IFNAR2: variants seen among roughly 807,000 people sequenced by gnomAD.
The protein encoded by IFNAR2 is interferon alpha/beta receptor 2.
Under a neutral mutation model 49.4 loss-of-function variants are expected in IFNAR2, and 30 were observed. The ratio of observed to expected loss-of-function variants is 0.61; its 90% CI spans 0.45 to 0.82. The LOEUF (loss-of-function observed/expected upper bound fraction) is 0.82, where lower values mean the gene tolerates loss of function less well. IFNAR2 is among the 40% of genes least tolerant of loss of function. The probability of loss-of-function intolerance (pLI) is 0.00; values close to 1 mark genes in which losing one functional copy is unlikely to be tolerated. For synonymous variants in IFNAR2, 224 were observed against 234.5 expected, an observed-to-expected ratio of 0.96 and a Z score of 0.41; for missense variants, 600 against 622.7, an observed-to-expected ratio of 0.96 and a Z score of 0.39.
intron 1 of IFNAR2, among the ~76,000 whole-genome samples, chr21:33,233,961 A>G (rs1986249727): frequency 6.6e-6 from 1 of 152,120 alleles, no homozygotes; most frequent in African/African-American, 2.4e-5. Context: ...GAATACCAAT[A>G]TTCTCTTCTT....
chr21:33,258,803 T>C (rs997114166), intron 7 of IFNAR2, among the ~76,000 whole-genome samples: 1 of 152,122 alleles, frequency 6.6e-6, no homozygotes, highest in African/African-American at 2.4e-5. Context: ...GACATAGAAC[T>C]TAGAAGCCGT....
Position 33,240,769 on chromosome 21 carries a change from T to G in IFNAR2, c.-83-1071T>G, listed in dbSNP as rs113667854. 7.8e-3 allele frequency among the ~76,000 whole-genome samples: 461 copies of G among 58,894 alleles called. 4 individuals are homozygous for G. The highest frequency in any genetic ancestry group is 0.026 in the African/African-American group (430 of 16,280). 38.6% of individuals were successfully genotyped at this position (58,894 alleles called of 152,430 possible). A position where few individuals can be genotyped will look rare whatever the true frequency, so the allele number is the denominator to read the frequency against. The stretch of plus-strand genomic sequence containing the variant: ...GGTTGAGGCTGCAGTGAGCCATGAT[T>G]GCACCACTGGCACTCCAGGCTAGGC... On this transcript the variant is annotated intron_variant, in intron 1 of 8. Transcript: ENST00000342136.
rs527919003 is a variant in IFNAR2 at position 33,246,171 on chromosome 21, C to T, written c.222-547C>T. 9.9e-5 allele frequency among the ~76,000 whole-genome samples: 15 copies of T among 151,926 alleles called. No individual in the cohort carries two copies. The East Asian group carries it at 2.1e-3, about 22-fold the overall frequency. On this transcript the variant is annotated intron_variant, in intron 4 of 8. Coordinates refer to ENST00000342136, the MANE Select transcript of IFNAR2 (RefSeq NM_001289125.3). ...CTGCAAGCTCCACCTCCCGGGTTCA[C>T]GCCATTCTCCTGCCTCAGCCTCCCA...
intron 2 of IFNAR2, among the ~76,000 whole-genome samples, chr21:33,243,456 A>G (rs1987146095): frequency 2.0e-5 from 3 of 152,158 alleles, no homozygotes. Flanking sequence ...TCAGCTCCCA[A>G]ATGGATCTTA....
intron 4 of IFNAR2, among the ~76,000 whole-genome samples, 193 bp from the exon 5 acceptor site, chr21:33,246,523 AAG>A (rs1233138455): frequency 6.6e-6 from 1 of 152,204 alleles, no homozygotes; most frequent in Non-Finnish European, 1.5e-5. Flanking sequence ...CAATCAAGAA[AAG>A]AGAGGGATTG....
chr21:33,242,691 C>A (rs1987033530), intron 2 of IFNAR2, among the ~76,000 whole-genome samples: 1 of 138,520 alleles, frequency 7.2e-6, no homozygotes, highest in African/African-American at 2.8e-5. Flanking sequence ...CGAGATCGAG[C>A]CGCTGCACTC....
intron 7 of IFNAR2, among the ~76,000 whole-genome samples, chr21:33,258,870 G>A (rs1027916934): frequency 6.6e-5 from 10 of 152,142 alleles, no homozygotes; most frequent in African/African-American, 9.7e-5. Flanking sequence ...GTGATCTGAC[G>A]TGGGATGTAA....
chr21:33,242,053 G>A, intron 2 of IFNAR2, 76 bp downstream of exon 2: 3 of 1,416,934 alleles, frequency 2.1e-6, no homozygotes, highest in East Asian at 2.4e-5. Flanking sequence ...CTGGCAGGAA[G>A]TCGCAAACTC....
intron 7 of IFNAR2, among the ~76,000 whole-genome samples, chr21:33,257,051 T>C (rs1988253234): frequency 6.6e-6 from 1 of 152,026 alleles, no homozygotes; most frequent in Non-Finnish European, 1.5e-5. Context: ...AACAGGTAGG[T>C]ACAGGGAGAG....
Position 33,263,411 on chromosome 21 carries a change from G to A in IFNAR2, c.1459G>A (p.Glu487Lys). The change falls in exon 9 of 9, where the codon GAG (glutamate) becomes AAG (lysine). Residue 487 changes from glutamate (E) to lysine (K), a missense_variant. Coordinates refer to ENST00000342136, the MANE Select transcript of IFNAR2 (RefSeq NM_001289125.3). ...GCCAACCTTTCCCAGCCCCTCTTCAGAGGGCCTGTGGTCCGAAGATGCTCC... is the reference window on the plus strand; with the variant it reads ...GCCAACCTTTCCCAGCCCCTCTTCAAAGGGCCTGTGGTCCGAAGATGCTCC... The part of the protein sequence containing the change: ...TQPTFPSPSS[E>K]GLWSEDAPSD... The A allele has an allele frequency of 1.2e-6, 2 of 1,614,142 alleles. No individual in the cohort carries two copies. The highest frequency in any genetic ancestry group is 1.7e-6 in the Non-Finnish European group (2 of 1,180,032).
chr21:33,255,232 C>G (rs1297628851), intron 7 of IFNAR2, among the ~76,000 whole-genome samples: 1 of 152,232 alleles, frequency 6.6e-6, no homozygotes, highest in East Asian at 1.9e-4. Context: ...CTAACACCAG[C>G]TATCTGACAC....
intron 6 of IFNAR2, chr21:33,252,380 T>C: frequency 1.8e-6 from 2 of 1,087,344 alleles, no homozygotes; most frequent in Non-Finnish European, 2.4e-6. Flanking sequence ...TCACAGAGAC[T>C]TTTATTCCTC....
At chr21:33,234,502 G>A (rs1366802700) in intron 1 of IFNAR2, among the ~76,000 whole-genome samples, 2 of 152,062 alleles carry the variant, frequency 1.3e-5, no homozygotes, top group African/African-American at 4.8e-5. Flanking sequence ...CCTTGACAAT[G>A]TGCATCAGTC....
Position 33,245,078 on chromosome 21 carries a change from G to A in IFNAR2, c.221+4G>A. The A allele has an allele frequency of 6.2e-7, 1 of 1,602,722 alleles. No individual in the cohort carries two copies. The highest frequency in any genetic ancestry group is 8.5e-7 in the Non-Finnish European group (1 of 1,170,106). ...CATTGCTGTATACAATCATGAGGTT[G>A]GTTTGATATTTCATTTTCTCTTGGT... On this transcript the variant is annotated splice_donor_region_variant and intron_variant, in intron 4 of 8. Transcript: ENST00000342136.
intron 7 of IFNAR2, among the ~76,000 whole-genome samples, chr21:33,257,848 C>T (rs1434033079): frequency 2.0e-5 from 3 of 152,138 alleles, no homozygotes; most frequent in Non-Finnish European, 4.4e-5. Flanking sequence ...ACAGCATCCA[C>T]CACAGATGGC....
rs61686449 is a variant in IFNAR2 at position 33,234,183 on chromosome 21, C to CTGTGTGTGTGTGTGTG, written c.-84+3993_-84+4008dup. 2.5e-3 allele frequency among the ~76,000 whole-genome samples: 356 copies of CTGTGTGTGTGTGTGTG among 140,794 alleles called. 4 individuals carry two copies. Among genetic ancestry groups the CTGTGTGTGTGTGTGTG allele is most frequent in the South Asian group, 0.011 (48 of 4,206 alleles). 92.4% of individuals were successfully genotyped at this position (140,794 alleles called of 152,430 possible). A position where few individuals can be genotyped will look rare whatever the true frequency, so the allele number is the denominator to read the frequency against. On this transcript the variant is annotated intron_variant, in intron 1 of 8. Coordinates refer to ENST00000342136, the MANE Select transcript of IFNAR2 (RefSeq NM_001289125.3). ...TCCCAAGTAACATTAAACAGAAACA[C>CTGTGTGTGTGTGTGTG]TGTGTGTGTGTGTGTGTGTGTGTGT... is the stretch of plus-strand genomic sequence containing the variant.
chr21:33,234,797 C>T (rs780587507), intron 1 of IFNAR2: 64 of 968,014 alleles, frequency 6.6e-5, no homozygotes, highest in African/African-American at 8.8e-5. Context: ...TTGTTGGCTT[C>T]GCACAGGATG....
At chr21:33,237,377 A>AT (rs1986561661) in intron 1 of IFNAR2, among the ~76,000 whole-genome samples, 1 of 151,764 alleles carries the variant, frequency 6.6e-6, no homozygotes, top group African/African-American at 2.4e-5. Flanking sequence ...AAAAAAAAAA[A>AT]TACAAAAATT....
rs746314316 is a variant in IFNAR2 at position 33,253,445 on chromosome 21, TC to T, written c.709+617del. On this transcript the variant is annotated intron_variant, in intron 7 of 8. Coordinates refer to ENST00000342136, the MANE Select transcript of IFNAR2 (RefSeq NM_001289125.3). Reference sequence around the variant, plus strand: ...TGTTTTCTCAGGAAGTAGCCAAGTTTCCACCTGTTTTACCAAAAGTGAGAAG... The same window carrying T: ...TGTTTTCTCAGGAAGTAGCCAAGTTTCACCTGTTTTACCAAAAGTGAGAAG... Among the ~76,000 whole-genome samples the T allele has an allele frequency of 4.6e-5, 7 of 152,306 alleles. No homozygotes were observed. In the South Asian group the frequency reaches 6.2e-4, roughly 14 times the overall value.
Sources: allele counts gnomAD v4.1 joint callset (sites outside exome capture counted in the v4.1 genomes callset), GRCh38; gene constraint gnomAD v4.1.1; transcripts MANE v1.5; gene names NCBI Gene and HGNC (gene_info 2026-07-23, HGNC 2026-07-21).